HMCN1: variants seen among roughly 807,000 people sequenced by gnomAD.
HMCN1 encodes the protein hemicentin 1.
HMCN1 carries 321 observed loss-of-function variants against 625.9 expected under a neutral mutation model. The ratio of observed to expected loss-of-function variants is 0.51; its 90% CI spans 0.47 to 0.56. The LOEUF is 0.56. HMCN1 is among the 20% of genes least tolerant of loss of function. HMCN1 has a pLI of 0.00. For synonymous variants in HMCN1, 2,425 were observed against 2,417.6 expected (o/e 1.00, Z -0.09); for missense variants, 6,588 against 6,887.3 (o/e 0.96, Z 1.54).
At position 186,091,244 on chromosome 1, in the gene HMCN1, A is replaced by G. The variant is rs576751649; in HGVS notation, c.9887+327A>G. 1.1e-4 allele frequency among the ~76,000 whole-genome samples: 17 copies of G among 152,162 alleles called. No homozygotes were observed. In the East Asian group the frequency reaches 2.1e-3, roughly 19 times the overall value. ...TTTCAGAATGATTATGCTAAAGCCC[A>G]TGCCATAAAAATAATTAGTTCTTTC... On this transcript the variant is annotated intron_variant, in intron 64 of 106. Coordinates refer to ENST00000271588, the MANE Select transcript of HMCN1 (RefSeq NM_031935.3).
intron 22 of HMCN1, among the ~76,000 whole-genome samples, chr1:185,991,638 G>A (rs1457142440): frequency 6.6e-6 from 1 of 151,484 alleles, no homozygotes; most frequent in Non-Finnish European, 1.5e-5. Context: ...CATTTTAACT[G>A]CTACATGCAT....
chr1:186,020,074 A>T (rs778221449), intron 35 of HMCN1, among the ~76,000 whole-genome samples: 1 of 152,074 alleles, frequency 6.6e-6, no homozygotes, highest in Non-Finnish European at 1.5e-5. Context: ...TGTAGGTAAC[A>T]TAAGTCTTGA....
intron 104 of HMCN1, 95 bp downstream of exon 104, chr1:186,178,861 A>T: frequency 1.1e-6 from 1 of 881,860 alleles, no homozygotes; most frequent in Non-Finnish European, 1.9e-6. Context: ...GCAGTGAACT[A>T]CATCTGATCT....
chr1:186,031,725 A>T (rs1655452045), intron 36 of HMCN1, among the ~76,000 whole-genome samples: 1 of 151,902 alleles, frequency 6.6e-6, no homozygotes, highest in Non-Finnish European at 1.5e-5. Context: ...TTGGATTATC[A>T]ATTGACCAAT....
chr1:185,869,481 A>G (rs998972175), intron 4 of HMCN1, among the ~76,000 whole-genome samples: 2 of 152,168 alleles, frequency 1.3e-5, no homozygotes, highest in Non-Finnish European at 2.9e-5. Context: ...AAACTGTGCC[A>G]TCATGTTTGC....
chr1:185,948,619 G>A (rs1315974455), intron 11 of HMCN1, among the ~76,000 whole-genome samples: 2 of 151,692 alleles, frequency 1.3e-5, no homozygotes, highest in South Asian at 2.1e-4. Flanking sequence ...TTAAGGTGGG[G>A]CAGGGCATAT....
At chr1:186,088,402 G>T (rs1268999549) in intron 62 of HMCN1, 126 bp downstream of exon 62, 2 of 1,452,690 alleles carry the variant, frequency 1.4e-6, no homozygotes, top group Non-Finnish European at 1.9e-6. Context: ...GAAGGCTAAC[G>T]CACTGAAATA....
chr1:185,906,112 TTAG>T (rs1224540703), intron 4 of HMCN1, among the ~76,000 whole-genome samples: 1 of 151,820 alleles, frequency 6.6e-6, no homozygotes, highest in African/African-American at 2.4e-5. Flanking sequence ...TTTCTTATAG[TTAG>T]ACAATTACAG....
At position 186,103,613 on chromosome 1, in the gene HMCN1, C is replaced by T. The variant is rs560484387; in HGVS notation, c.10715C>T (p.Thr3572Met). 1.4e-5 allele frequency: 22 copies of T among 1,613,844 alleles called. No homozygotes were observed. Among genetic ancestry groups the T allele is most frequent in the South Asian group, 7.7e-5 (7 of 91,072 alleles). The change falls in exon 69 of 107, where the codon ACG (threonine) becomes ATG (methionine). Residue 3572 changes from threonine (T) to methionine (M), a missense_variant. Around this residue, in one of 3 missense-constraint regions of HMCN1, gnomAD observed 4,628 missense variants for 4,853.1 expected, o/e 0.95. Coordinates refer to ENST00000271588, the MANE Select transcript of HMCN1 (RefSeq NM_031935.3). ...WMKDGRPLPQ[T>M]DQVQTLGGGE... is the part of the protein sequence containing the mutation. ...AAAGATGGCCGGCCCCTTCCACAGA[C>T]GGATCAAGTGCAAACTCTAGGAGGA...
In HMCN1 at chr1:185,932,591, C is replaced by T. The variant is rs12082043; in HGVS notation, c.1553-958C>T. 5.1e-4 allele frequency among the ~76,000 whole-genome samples: 78 copies of T among 152,160 alleles called. No homozygotes were observed. In the East Asian group the frequency reaches 6.0e-3, roughly 12 times the overall value. On this transcript the variant is annotated intron_variant, in intron 10 of 106. Transcript: ENST00000271588. ...TTTGGAGAGAGAATTTAGATTCACT[C>T]TCAAAACTAACTAGAGCTAACACAG...
At chr1:186,160,726 C>A (rs1374448580) in intron 97 of HMCN1, among the ~76,000 whole-genome samples, 1 of 152,058 alleles carries the variant, frequency 6.6e-6, no homozygotes, top group African/African-American at 2.4e-5. Flanking sequence ...TGTAGTTAAG[C>A]AGTTTTGAGT....
intron 100 of HMCN1, 34 bp from the exon 101 acceptor site, chr1:186,171,303 T>C (rs1434180847): frequency 4.9e-6 from 7 of 1,426,560 alleles, no homozygotes; most frequent in Non-Finnish European, 6.9e-6. Flanking sequence ...GGTTTCCTAA[T>C]AGCATATAAT....
rs1247103373 is a variant in HMCN1, at chr1:186,078,049, T to A, written c.8486-58T>A. 4 of 1,291,720 alleles carry A rather than the reference T, an allele frequency of 3.1e-6. No homozygotes were observed. The Admixed American group carries it at 7.2e-5, about 23-fold the overall frequency. 80.0% of individuals were successfully genotyped at this position (1,291,720 alleles called of 1,614,324 possible). On this transcript the variant is annotated intron_variant, in intron 54 of 106. Coordinates refer to ENST00000271588, the MANE Select transcript of HMCN1 (RefSeq NM_031935.3). ...TTAGACCTGAAAATTTGTATCTGTTTATGGCTTGTGTTCACTCTAAGATTA... is the reference window on the plus strand; with the variant it reads ...TTAGACCTGAAAATTTGTATCTGTTAATGGCTTGTGTTCACTCTAAGATTA...
intron 103 of HMCN1, among the ~76,000 whole-genome samples, chr1:186,176,623 A>G (rs1024659391): frequency 6.6e-6 from 1 of 152,230 alleles, no homozygotes; most frequent in Non-Finnish European, 1.5e-5. Context: ...GGTTGTGGGA[A>G]TACATTGCTA....
chr1:186,023,286 GGGTTTTT>G, intron 36 of HMCN1, 133 bp downstream of exon 36: 1 of 717,922 alleles, frequency 1.4e-6, no homozygotes, highest in Non-Finnish European at 2.2e-6. Flanking sequence ...AAAAAACCTA[GGGTTTTT>G]TTTTTTTTTT....
rs199898360 is a variant in HMCN1 at position 186,094,380 on chromosome 1, G to T, written c.10294+7G>T. On this transcript the variant is annotated splice_region_variant and intron_variant, in intron 67 of 106. Transcript: ENST00000271588. ...TACAATCTTCAAGTGTTTGGTATGT[G>T]TCACAGAAATGACCCTATTACTTTG... is the stretch of plus-strand genomic sequence containing the variant. 2 of 1,602,048 alleles carry T rather than the reference G, an allele frequency of 1.2e-6. No individual in the cohort carries two copies. Among genetic ancestry groups the T allele is most frequent in the South Asian group, 2.2e-5 (2 of 90,854 alleles).
chr1:186,088,817 T>A, intron 63 of HMCN1, 62 bp downstream of exon 63: 1 of 1,469,138 alleles, frequency 6.8e-7, no homozygotes, highest in Admixed American at 1.9e-5. Flanking sequence ...TAGTACAAAA[T>A]AATCTACATT....
chr1:186,074,705 G>A (rs1369547634), intron 52 of HMCN1, 36 bp from the exon 53 acceptor site: 3 of 1,600,346 alleles, frequency 1.9e-6, no homozygotes, highest in Admixed American at 1.7e-5. Flanking sequence ...ATTCATTATA[G>A]CACTTAATGC....
intron 4 of HMCN1, among the ~76,000 whole-genome samples, chr1:185,870,920 G>C (rs1249475948): frequency 6.6e-6 from 1 of 152,044 alleles, no homozygotes; most frequent in East Asian, 1.9e-4. Flanking sequence ...GGGAACCAAG[G>C]AGCCCTGTTG....
Sources: allele counts gnomAD v4.1 joint callset (sites outside exome capture counted in the v4.1 genomes callset), GRCh38; gene constraint gnomAD v4.1.1; regional missense constraint gnomAD v4.1.1; transcripts MANE v1.5; gene names NCBI Gene and HGNC (gene_info 2026-07-23, HGNC 2026-07-21).